The following TFAP2A variants were observed in gnomAD, a reference collection of about 807,000 sequenced individuals.
The protein encoded by TFAP2A is transcription factor AP-2-alpha.
Under a neutral mutation model 41.5 loss-of-function variants are expected in TFAP2A, and 7 were observed. That is an observed-to-expected ratio of 0.17 (90% confidence interval 0.10 to 0.32). The LOEUF is 0.32. Among genes scored for constraint, TFAP2A ranks in the 10% least tolerant of loss-of-function variants. The pLI is 1.00. For synonymous variants in TFAP2A, 247 were observed against 242.8 expected, an observed-to-expected ratio of 1.02 and a Z score of -0.16; for missense variants, 416 against 563.3, an observed-to-expected ratio of 0.74 and a Z score of 2.65.
Position 10,409,763 on chromosome 6 carries a change from C to A in TFAP2A, c.486+138G>T, listed in dbSNP as rs899066485. ...GGTTCCTCAAAACGTCCCTCACTCT[C>A]CGCCTCCGAATAAAATGTTTTTATA... On this transcript the variant is annotated intron_variant, in intron 2 of 6. Coordinates refer to ENST00000379613, the MANE Select transcript of TFAP2A (RefSeq NM_001372066.1). The A allele has an allele frequency of 4.6e-6, 5 of 1,098,024 alleles. No individual in the cohort carries two copies. In the African/African-American group the frequency reaches 7.8e-5, roughly 17 times the overall value. The allele number at this position is 1,098,024 out of a possible 1,614,324, so 68.0% of individuals were successfully genotyped here. A position where few individuals can be genotyped will look rare whatever the true frequency, so the allele number is the denominator to read the frequency against.
At chr6:10,408,277 ACAG>A (rs1483144256) in intron 2 of TFAP2A, among the ~76,000 whole-genome samples, 4 of 152,200 alleles carry the variant, frequency 2.6e-5, no homozygotes, top group Non-Finnish European at 5.9e-5. Context: ...AGAGGGAAAA[ACAG>A]CAACTGGGTT....
chr6:10,412,273 A>G, intron 1 of TFAP2A: 1 of 987,274 alleles, frequency 1.0e-6, no homozygotes, highest in Non-Finnish European at 1.2e-6. Flanking sequence ...GGAAGGGGCA[A>G]CATTTTAAAA....
rs1330462184 is a variant in TFAP2A at position 10,398,851 on chromosome 6, T to C, written c.1032-146A>G. Reference sequence around the variant, plus strand: ...GACCCAAGACCCCAGAGACAGACAGTGTGGCCACATGTTGGGAGATCCAGC... The same window carrying C: ...GACCCAAGACCCCAGAGACAGACAGCGTGGCCACATGTTGGGAGATCCAGC... On this transcript the variant is annotated intron_variant, in intron 6 of 6. Transcript: ENST00000379613. The surrounding 1 kb of genome is among the most constrained non-coding windows in gnomAD (Gnocchi z 5.3). 7.9e-6 allele frequency: 7 copies of C among 884,026 alleles called. No homozygotes were observed. The Admixed American group carries it at 1.3e-4, about 17-fold the overall frequency. 54.8% of individuals were successfully genotyped at this position (884,026 alleles called of 1,614,324 possible).
chr6:10,416,087 T>C (rs1758231150), upstream of TFAP2A: 1 of 152,230 alleles, frequency 6.6e-6, no homozygotes, highest in Admixed American at 6.5e-5. Context: ...GCTTCTGAAG[T>C]TGAGCCTAAA....
chr6:10,415,143 G>GAGGGCAAGGAGGAGGGAGAGGAGT (rs1157311825), upstream of TFAP2A: 1 of 1,544,268 alleles, frequency 6.5e-7, no homozygotes, highest in African/African-American at 1.4e-5. Flanking sequence ...GGGAGAGGAG[G>GAGGGCAAGGAGGAGGGAGAGGAGT]AGGGCAAGGA....
At chr6:10,399,463 T>C (rs887879411) in intron 6 of TFAP2A, among the ~76,000 whole-genome samples, 3 of 152,122 alleles carry the variant, frequency 2.0e-5, no homozygotes, top group African/African-American at 7.2e-5. Flanking sequence ...AAGAGAAAGT[T>C]GAAATTTCGC....
chr6:10,408,475 G>A (rs1022865825), intron 2 of TFAP2A, among the ~76,000 whole-genome samples: 14 of 152,100 alleles, frequency 9.2e-5, no homozygotes, highest in Admixed American at 5.9e-4. Context: ...GAACAAGCAA[G>A]GAAAAGATTC....
chr6:10,418,880 C>T (rs768608682), upstream of TFAP2A, among the ~76,000 whole-genome samples: 45 of 152,164 alleles, frequency 3.0e-4, no homozygotes, highest in Non-Finnish European at 5.3e-4. Context: ...GCGACCCAGC[C>T]ATCTGGACCC....
intron 4 of TFAP2A, among the ~76,000 whole-genome samples, chr6:10,404,218 G>C (rs1284591348): frequency 1.3e-5 from 2 of 152,042 alleles, no homozygotes; most frequent in Admixed American, 1.3e-4. Context: ...GCTTGCGCGA[G>C]GAGGAGGGCG....
chr6:10,406,906 C>T, intron 2 of TFAP2A, 62 bp from the exon 3 acceptor site: 2 of 1,287,080 alleles, frequency 1.6e-6, no homozygotes, highest in Non-Finnish European at 2.3e-6. Context: ...AATGAATATT[C>T]CCTGCAAGAT....
At chr6:10,415,247 G>C, upstream of TFAP2A, 1 of 1,449,184 alleles carries the variant, frequency 6.9e-7, no homozygotes, top group Admixed American at 2.5e-5. Flanking sequence ...TGTGCGCTCG[G>C]AGATCTCCCT....
At chr6:10,417,755 G>A (rs115007876), upstream of TFAP2A, among the ~76,000 whole-genome samples, 2 of 152,088 alleles carry the variant, frequency 1.3e-5, no homozygotes, top group African/African-American at 4.8e-5. Context: ...CGGCCCCTCC[G>A]GGCCCCAAAT....
chr6:10,397,995 T>C lies in TFAP2A; in HGVS notation c.*422A>G. ...TGGTGACTCAGTCCCATGAAGCGCA[T>C]ATAATTTTTTTTATTTTCACTTTTT... On this transcript the variant is annotated 3_prime_UTR_variant, in exon 7 of 7. Coordinates refer to ENST00000379613, the MANE Select transcript of TFAP2A (RefSeq NM_001372066.1). 1 of 1,061,480 alleles carries C rather than the reference T, an allele frequency of 9.4e-7. No individual in the cohort carries two copies. The highest frequency in any genetic ancestry group is 1.1e-6 in the Non-Finnish European group (1 of 876,382). 65.8% of individuals were successfully genotyped at this position (1,061,480 alleles called of 1,614,324 possible).
In TFAP2A at chr6:10,398,698, A is replaced by G. The variant is rs1761890567; in HGVS notation, c.1039T>C (p.Cys347Arg). ...KNMLLATKQICKEFTDLLAQD... is the reference protein window; with the variant it reads ...KNMLLATKQIRKEFTDLLAQD... ...GCCAGCAGGTCGGTGAACTCTTTGC[A>G]TATCTGTCTGCAGCACAAGTGGAGC... Residue 347 changes from cysteine to arginine, a missense_variant, in exon 7 of 7, where the codon TGC (cysteine) becomes CGC (arginine). Around this residue, in one of 3 missense-constraint regions of TFAP2A, gnomAD observed 116 missense variants for 153.8 expected, o/e 0.75. Transcript: ENST00000379613. The surrounding 1 kb of genome is among the most constrained non-coding windows in gnomAD (Gnocchi z 5.3). 1 of 1,614,014 alleles carries G rather than the reference A, an allele frequency of 6.2e-7. No homozygotes were observed. Among genetic ancestry groups the G allele is most frequent in the Non-Finnish European group, 8.5e-7 (1 of 1,179,972 alleles).
chr6:10,398,158 C>T lies in TFAP2A; in HGVS notation c.*259G>A, dbSNP rs1761852844. On this transcript the variant is annotated 3_prime_UTR_variant, in exon 7 of 7. Transcript: ENST00000379613. The surrounding 1 kb of genome is among the most constrained non-coding windows in gnomAD (Gnocchi z 5.3). ...ACGGCCTGTTCTGTTCTCTTAGGCT[C>T]CACATGAGGGCACAGGGGTGTGGGA... is the stretch of plus-strand genomic sequence containing the variant. The T allele has an allele frequency of 7.7e-6, 11 of 1,420,734 alleles. No individual in the cohort carries two copies. Among genetic ancestry groups the T allele is most frequent in the Non-Finnish European group, 9.2e-6 (10 of 1,090,440 alleles). 88.0% of individuals were successfully genotyped at this position (1,420,734 alleles called of 1,614,324 possible). A position where few individuals can be genotyped will look rare whatever the true frequency, so the allele number is the denominator to read the frequency against.
chr6:10,409,597 T>C (rs1757860011), intron 2 of TFAP2A: 1 of 394,150 alleles, frequency 2.5e-6, no homozygotes, highest in Non-Finnish European at 4.7e-6. Context: ...ATTGAGACAG[T>C]TTACTGTCGT....
intron 4 of TFAP2A, among the ~76,000 whole-genome samples, chr6:10,403,803 CTATG>C (rs1480049520): frequency 6.6e-6 from 1 of 152,136 alleles, no homozygotes; most frequent in Non-Finnish European, 1.5e-5. Context: ...GAATCCCTGG[CTATG>C]TATGTAACAG....
upstream of TFAP2A, chr6:10,416,395 A>T: frequency 6.8e-6 from 1 of 147,242 alleles, no homozygotes; most frequent in African/African-American, 2.6e-5. Flanking sequence ...TGGGGCTTTT[A>T]TCCCTTTCGG....
chr6:10,413,798 A>G (rs1400165513), intron 1 of TFAP2A, among the ~76,000 whole-genome samples: 2 of 152,204 alleles, frequency 1.3e-5, no homozygotes, highest in African/African-American at 4.8e-5. Context: ...GAGTGAAGTC[A>G]AGATCTCCGC....
Sources: allele counts gnomAD v4.1 joint callset (sites outside exome capture counted in the v4.1 genomes callset), GRCh38; gene constraint gnomAD v4.1.1; regional missense constraint gnomAD v4.1.1; non-coding constraint Gnocchi (gnomAD v3.1); transcripts MANE v1.5; gene names NCBI Gene and HGNC (gene_info 2026-07-23, HGNC 2026-07-21).